The following GRTP1 variants were observed in gnomAD, a reference collection of about 807,000 sequenced individuals.
GRTP1 encodes growth hormone-regulated TBC protein 1.
Under a neutral mutation model 38.1 loss-of-function variants are expected in GRTP1, and 56 were observed. The ratio of observed to expected loss-of-function variants is 1.47; its 90% confidence interval spans 1.19 to 1.84. The LOEUF is 1.84. Ranked by LOEUF, GRTP1 falls within the 40% of genes most tolerant of loss-of-function variation. GRTP1 has a pLI of 0.00. For synonymous variants in GRTP1, 217 were observed against 189.5 expected (o/e 1.14, Z -1.19); for missense variants, 506 against 453.9 (o/e 1.11, Z -1.04).
At chr13:113,326,476 C>CCTGG (rs1164390588) in intron 5 of GRTP1, among the ~76,000 whole-genome samples, 1 of 149,474 alleles carries the variant, frequency 6.7e-6, no homozygotes, top group East Asian at 2.0e-4. Context: ...TCAAGACCAG[C>CCTGG]CTGGCTGACA....
Position 113,325,969 on chromosome 13 carries a change from GCAGCGTCCA to G in GRTP1, c.676_684del (p.Trp226_Leu228del), listed in dbSNP as rs753511234. On this transcript the variant is annotated inframe_deletion, in exon 6 of 8. Transcript: ENST00000375431. ...AGGCAGATGAACCAGCGGGACACCA[GCAGCGTCCA>G]CAGCACACCGAGACGCTCCATCAGG... The G allele has an allele frequency of 1.2e-5, 20 of 1,613,844 alleles. No homozygotes were observed. The African/African-American group carries it at 2.0e-4, about 16-fold the overall frequency.
At chr13:113,346,107 A>AGC (rs2043111933) in intron 4 of GRTP1, among the ~76,000 whole-genome samples, 1 of 117,296 alleles carries the variant, frequency 8.5e-6, no homozygotes, top group African/African-American at 3.8e-5. Flanking sequence ...TGTGGCCGAG[A>AGC]ACAGACCCGG....
intron 5 of GRTP1, among the ~76,000 whole-genome samples, chr13:113,326,418 C>T (rs897414095): frequency 1.5e-5 from 2 of 134,850 alleles, no homozygotes; most frequent in African/African-American, 2.6e-5. Flanking sequence ...ACCTGTAATC[C>T]CAGCACTTTG....
intron 5 of GRTP1, among the ~76,000 whole-genome samples, chr13:113,336,425 T>C (rs1450321371): frequency 6.6e-6 from 1 of 152,004 alleles, no homozygotes; most frequent in Non-Finnish European, 1.5e-5. Flanking sequence ...GAAAGCAAAG[T>C]GCCCTCGGTG....
Position 113,344,897 on chromosome 13 carries a change from C to G in GRTP1, c.528G>C (p.Trp176Cys). 1.9e-6 allele frequency: 3 copies of G among 1,605,896 alleles called. No individual in the cohort carries two copies. The highest frequency in any genetic ancestry group is 2.5e-6 in the Non-Finnish European group (3 of 1,177,670). Residue 176 changes from tryptophan to cysteine, a missense_variant, in exon 5 of 8, where the codon TGG (tryptophan) becomes TGC (cysteine). Physicochemically the swap from Trp to Cys is radical, Grantham distance 215. Coordinates refer to ENST00000375431, the MANE Select transcript of GRTP1 (RefSeq NM_024719.4). The stretch of plus-strand genomic sequence containing the variant: ...TTCTTCCAACAAGAGCATCTAACAG[C>G]CAAAAAGATTCTTCTTCATTATTTG... ...LITNNEEESF[W>C]LLDALVGRIL...
chr13:113,352,443 G>A (rs1490352428), intron 3 of GRTP1, among the ~76,000 whole-genome samples: 5 of 142,738 alleles, frequency 3.5e-5, no homozygotes, highest in South Asian at 2.3e-4. Context: ...GTGCAATCAC[G>A]GCTCACTGCA....
In GRTP1 at chr13:113,343,502, T is replaced by C. The variant is rs1433483216; in HGVS notation, c.562+1361A>G. ...GCTGATTCCTCCCTGCCCTTAATGA[T>C]GCACTTGAGCTTTGCCCCATCCGTG... is the stretch of plus-strand genomic sequence containing the variant. On this transcript the variant is annotated intron_variant, in intron 5 of 7. Transcript: ENST00000375431. This position sits in a 1 kb window ranked among gnomAD's most constrained non-coding sequence, Gnocchi z 4.8. 4.6e-5 allele frequency among the ~76,000 whole-genome samples: 7 copies of C among 152,302 alleles called. No individual in the cohort carries two copies. In the East Asian group the frequency reaches 1.4e-3, roughly 29 times the overall value.
intron 5 of GRTP1, among the ~76,000 whole-genome samples, chr13:113,330,219 G>T (rs182353227): frequency 1.4e-5 from 2 of 147,568 alleles, no homozygotes; most frequent in East Asian, 4.0e-4. Context: ...GAGCCCAGGT[G>T]CGTGGATGGA....
intron 5 of GRTP1, among the ~76,000 whole-genome samples, chr13:113,330,516 G>T (rs113819413): frequency 1.6e-4 from 21 of 134,666 alleles, no homozygotes; most frequent in South Asian, 5.0e-4. Context: ...GGGAGCCCAG[G>T]TGTGTGCATG....
chr13:113,334,325 C>T (rs2042925877), intron 5 of GRTP1, among the ~76,000 whole-genome samples: 1 of 152,038 alleles, frequency 6.6e-6, no homozygotes, highest in Non-Finnish European at 1.5e-5. Context: ...CTCCCGCTGG[C>T]CTGTGACTTT....
intron 3 of GRTP1, among the ~76,000 whole-genome samples, chr13:113,353,998 A>AG (rs1209132116): frequency 1.3e-5 from 2 of 152,190 alleles, no homozygotes; most frequent in East Asian, 1.9e-4. Context: ...TGAGCCTGGT[A>AG]GGTCACGGCT....
rs1267490345 is a variant in GRTP1, at chr13:113,324,683, G to C, written c.922-106C>G. The C allele has an allele frequency of 8.0e-6, 12 of 1,494,018 alleles. No homozygotes were observed. The East Asian group carries it at 3.0e-4, about 37-fold the overall frequency. 92.5% of individuals were successfully genotyped at this position (1,494,018 alleles called of 1,614,324 possible). On this transcript the variant is annotated intron_variant, in intron 7 of 7. Transcript: ENST00000375431. ...ACAGGCCTCGTGTGAGGTGAGGGAG[G>C]AGCAGTCCACATCCAAGGGCTTCTG...
At chr13:113,355,784 T>G in intron 2 of GRTP1, 1 of 214,608 alleles carries the variant, frequency 4.7e-6, no homozygotes, top group Non-Finnish European at 9.2e-6. Context: ...CAAAGCTTCC[T>G]GGCAGCCGTG....
At chr13:113,360,313 T>C (rs2043471183) in intron 2 of GRTP1, 1 of 152,174 alleles carries the variant, frequency 6.6e-6, no homozygotes, top group Admixed American at 6.5e-5. Context: ...ACAATATTTA[T>C]TGTACCCACC....
intron 5 of GRTP1, among the ~76,000 whole-genome samples, chr13:113,340,186 T>A (rs2043007004): frequency 6.6e-6 from 1 of 151,610 alleles, no homozygotes; most frequent in South Asian, 2.1e-4. Context: ...ATTACAGGTA[T>A]GAGCCACAGA....
At chr13:113,325,895 C>G in intron 6 of GRTP1, 24 bp downstream of exon 6, 1 of 1,613,914 alleles carries the variant, frequency 6.2e-7, no homozygotes, top group Non-Finnish European at 8.5e-7. Flanking sequence ...CCCGCCCGCC[C>G]CAGGGCCCGA....
At chr13:113,340,517 G>A (rs1014606697) in intron 5 of GRTP1, among the ~76,000 whole-genome samples, 3 of 141,712 alleles carry the variant, frequency 2.1e-5, no homozygotes, top group Admixed American at 6.9e-5. Flanking sequence ...TGTAGTTCAC[G>A]CCTGTAATCC....
At chr13:113,337,895 G>A (rs988027703) in intron 5 of GRTP1, among the ~76,000 whole-genome samples, 5 of 152,252 alleles carry the variant, frequency 3.3e-5, no homozygotes, top group African/African-American at 1.2e-4. Flanking sequence ...CTGAGCCGTG[G>A]TCCCCACAGA....
chr13:113,335,293 T>G (rs113922129), intron 5 of GRTP1, among the ~76,000 whole-genome samples: 16 of 152,008 alleles, frequency 1.1e-4, no homozygotes, highest in African/African-American at 3.6e-4. Flanking sequence ...CGTGGTGGTG[T>G]GTGCCTGTAA....
Sources: gnomAD v4.1 joint callset for allele counts (sites outside exome capture counted in the v4.1 genomes callset) on GRCh38, gnomAD v4.1.1 for gene constraint, Gnocchi (gnomAD v3.1) non-coding constraint, MANE v1.5 for transcripts, NCBI Gene and HGNC (gene_info 2026-07-23, HGNC 2026-07-21) for gene names.